Variants in SLC36A1 observed in about 807,000 individuals in gnomAD.
SLC36A1 encodes the protein solute carrier family 36 member 1, also known as proton-coupled amino acid transporter 1.
A neutral mutation model predicts 47.5 loss-of-function variants in SLC36A1; 30 were observed. The ratio of observed to expected loss-of-function variants is 0.63; its 90% CI spans 0.47 to 0.86. SLC36A1 has a LOEUF of 0.86. Among genes scored for constraint, SLC36A1 ranks in the 40% least tolerant of loss-of-function variants. The pLI, the probability that SLC36A1 is intolerant of heterozygous loss-of-function variation, is 0.00. For missense variants in SLC36A1, 517 were observed against 606.0 expected (o/e 0.85, Z 1.54); for synonymous variants, 255 against 249.7 (o/e 1.02, Z -0.20).
chr5:151,505,115 G>A, the SLC36A1 span: 2 of 252,778 alleles, frequency 7.9e-6, no homozygotes, highest in South Asian at 9.1e-5. Context: ...GAGCTCCTCT[G>A]TACGGCCCGC....
chr5:151,376,412 T>C, the SLC36A1 span, among the ~76,000 whole-genome samples: 1 of 152,130 alleles, frequency 6.6e-6, no homozygotes, highest in Non-Finnish European at 1.5e-5. Flanking sequence ...TGTTTTCAAT[T>C]TCATTTAGTT....
At chr5:151,496,546 A>G (rs1456730499), downstream of SLC36A1, among the ~76,000 whole-genome samples, 1 of 152,050 alleles carries the variant, frequency 6.6e-6, no homozygotes, top group African/African-American at 2.4e-5. Context: ...TGTTACCACT[A>G]TTTGTGGTGT....
the SLC36A1 span, among the ~76,000 whole-genome samples, chr5:151,538,507 C>T: frequency 6.6e-6 from 1 of 152,144 alleles, no homozygotes; most frequent in African/African-American, 2.4e-5. Context: ...CTGCAGGTAC[C>T]GTCATGGCAT....
At chr5:151,467,132 C>G (rs899673025) in intron 5 of SLC36A1, 67 bp from the exon 6 acceptor site, 1 of 1,259,372 alleles carries the variant, frequency 7.9e-7, no homozygotes, top group Non-Finnish European at 1.1e-6. Flanking sequence ...CAAAAAACAC[C>G]TCCCCTTCTG....
upstream of SLC36A1, among the ~76,000 whole-genome samples, chr5:151,444,057 T>C (rs1752782782): frequency 6.6e-6 from 1 of 152,242 alleles, no homozygotes; most frequent in African/African-American, 2.4e-5. Flanking sequence ...CTATACTGTT[T>C]GGATTACTAT....
chr5:151,497,839 G>A, the SLC36A1 span, among the ~76,000 whole-genome samples: 1 of 152,122 alleles, frequency 6.6e-6, no homozygotes, highest in African/African-American at 2.4e-5. Flanking sequence ...ATATCCCCTT[G>A]GCTGGAGTGG....
chr5:151,387,909 T>G, the SLC36A1 span, among the ~76,000 whole-genome samples: 1 of 152,230 alleles, frequency 6.6e-6, no homozygotes, highest in South Asian at 2.1e-4. Flanking sequence ...TTATTTAACC[T>G]TATATAATGT....
the SLC36A1 span, among the ~76,000 whole-genome samples, chr5:151,407,513 G>A: frequency 6.6e-6 from 1 of 151,022 alleles, no homozygotes; most frequent in Non-Finnish European, 1.5e-5. Context: ...TTTACAGAGT[G>A]CTGATTGGTG....
the SLC36A1 span, chr5:151,517,480 A>G: frequency 2.9e-6 from 3 of 1,045,492 alleles, no homozygotes; most frequent in Non-Finnish European, 4.2e-6. Flanking sequence ...ATGTGGCCCA[A>G]CAGTCACACC....
rs1760074259 is a variant in SLC36A1 at position 151,491,047 on chromosome 5, C to T, written c.*2793C>T. On this transcript the variant is annotated 3_prime_UTR_variant, in exon 11 of 11. Transcript: ENST00000243389. ...TTTTCCGGCCAGATACTCTTGAGCT[C>T]TGTGACCCTGCTCCTGTCACCCCAA... 2 of 152,356 alleles carry T rather than the reference C, an allele frequency of 1.3e-5. No homozygotes were observed. The highest frequency in any genetic ancestry group is 4.1e-4 in the South Asian group (2 of 4,832). The allele number at this position is 152,356 out of a possible 1,614,324, so 9.4% of individuals were successfully genotyped here. A position where few individuals can be genotyped will look rare whatever the true frequency, so the allele number is the denominator to read the frequency against.
chr5:151,362,206 T>C, the SLC36A1 span, among the ~76,000 whole-genome samples: 9 of 152,312 alleles, frequency 5.9e-5, no homozygotes, highest in African/African-American at 1.9e-4. Flanking sequence ...TTCTTAGATT[T>C]GGTCTTTTGA....
chr5:151,465,681 A>G (rs1455624936), intron 5 of SLC36A1, among the ~76,000 whole-genome samples: 2 of 152,198 alleles, frequency 1.3e-5, no homozygotes, highest in Non-Finnish European at 2.9e-5. Context: ...AGCTAGGAGT[A>G]CACCCTCAGT....
the SLC36A1 span, chr5:151,525,938 G>C: frequency 6.2e-7 from 1 of 1,614,182 alleles, no homozygotes; most frequent in Non-Finnish European, 8.5e-7. Context: ...ATCAGCTGCA[G>C]GACTTTGCTG....
the SLC36A1 span, among the ~76,000 whole-genome samples, chr5:151,512,930 C>T: frequency 6.6e-6 from 1 of 152,190 alleles, no homozygotes; most frequent in Admixed American, 6.5e-5. This position sits in a 1 kb window ranked among gnomAD's most constrained non-coding sequence, Gnocchi z 4.1. Context: ...GTCCAGAGTT[C>T]CACACTTGTG....
At chr5:151,447,116 T>A (rs1228403054), upstream of SLC36A1, among the ~76,000 whole-genome samples, 1 of 152,226 alleles carries the variant, frequency 6.6e-6, no homozygotes, top group Non-Finnish European at 1.5e-5. Flanking sequence ...GCCTAGATAA[T>A]ACAATACTGA....
chr5:151,429,855 A>G, the SLC36A1 span, among the ~76,000 whole-genome samples: 1 of 152,178 alleles, frequency 6.6e-6, no homozygotes, highest in Non-Finnish European at 1.5e-5. Context: ...GGCCTCTTAG[A>G]CCTTCAAGGA....
At chr5:151,544,036 A>G in the SLC36A1 span, 3 of 1,614,206 alleles carry the variant, frequency 1.9e-6, no homozygotes, top group Non-Finnish European at 1.7e-6. Flanking sequence ...GACAACCACA[A>G]GGGTTTCACC....
chr5:151,383,761 C>T, the SLC36A1 span, among the ~76,000 whole-genome samples: 2 of 151,806 alleles, frequency 1.3e-5, no homozygotes, highest in African/African-American at 4.8e-5. Flanking sequence ...TTAGTAGAGA[C>T]GGGGTTTCAC....
At chr5:151,508,167 C>T in the SLC36A1 span, among the ~76,000 whole-genome samples, 7 of 152,178 alleles carry the variant, frequency 4.6e-5, no homozygotes, top group Non-Finnish European at 1.0e-4. Context: ...ACTTCTGTGG[C>T]CAGCTTTATC....
Sources: allele counts gnomAD v4.1 joint callset (sites outside exome capture counted in the v4.1 genomes callset), GRCh38; gene constraint gnomAD v4.1.1; non-coding constraint Gnocchi (gnomAD v3.1); transcripts MANE v1.5; gene names NCBI Gene and HGNC (gene_info 2026-07-23, HGNC 2026-07-21).